TRIP12: variants seen among roughly 807,000 people sequenced by gnomAD.
TRIP12 encodes E3 ubiquitin-protein ligase TRIP12.
In TRIP12, 25 loss-of-function variants were observed where a neutral mutation model predicts 244.2. The observed-to-expected ratio is 0.10, with a 90% CI of 0.07 to 0.14. The LOEUF is 0.14. TRIP12 is among the 10% of genes least tolerant of loss of function. The pLI, the probability that TRIP12 is intolerant of heterozygous loss-of-function variation, is 1.00. For missense variants in TRIP12, 1,677 were observed against 2,486.4 expected, an observed-to-expected ratio of 0.67 and a Z score of 6.92; for synonymous variants, 905 against 873.1, an observed-to-expected ratio of 1.04 and a Z score of -0.64.
At chr2:229,773,301 C>A (rs1461559129) in intron 38 of TRIP12, among the ~76,000 whole-genome samples, 14 of 151,734 alleles carry the variant, frequency 9.2e-5, no homozygotes, top group Non-Finnish European at 2.9e-5. Context: ...GTCTTGAACT[C>A]CTGATCTTGT....
At chr2:229,789,826 A>AG in intron 30 of TRIP12, 64 bp from the exon 31 acceptor site, 1 of 1,558,044 alleles carries the variant, frequency 6.4e-7, no homozygotes, top group Non-Finnish European at 8.7e-7. Context: ...AGTGCAGCCA[A>AG]GGTCCTATCA....
At chr2:229,774,499 G>A (rs2035590423) in intron 37 of TRIP12, among the ~76,000 whole-genome samples, 1 of 152,152 alleles carries the variant, frequency 6.6e-6, no homozygotes, top group Admixed American at 6.5e-5. Flanking sequence ...AGATGCTGCT[G>A]CTCAGTTTAA....
At position 229,781,200 on chromosome 2, in the gene TRIP12, G is replaced by C. The variant is rs539140169; in HGVS notation, c.5095-2210C>G. Among the ~76,000 whole-genome samples, 3 of 152,174 alleles carry C rather than the reference G, an allele frequency of 2.0e-5. No homozygotes were observed. In the East Asian group the frequency reaches 5.8e-4, roughly 29 times the overall value. On this transcript the variant is annotated intron_variant, in intron 34 of 41. Coordinates refer to ENST00000675903, the MANE Select transcript of TRIP12 (RefSeq NM_001348323.3). ...CCACAGAGTAACCTGATCTCTTCAG[G>C]GATTATCATTCTACCCAACTACACC...
intron 41 of TRIP12, 128 bp downstream of exon 41, chr2:229,768,487 TA>T: frequency 1.3e-6 from 1 of 781,140 alleles, no homozygotes; most frequent in Non-Finnish European, 2.1e-6. Flanking sequence ...CAATGTACTA[TA>T]ATGATACTGG....
chr2:229,841,111 T>A (rs1020689089), intron 4 of TRIP12, among the ~76,000 whole-genome samples, 184 bp from the exon 5 acceptor site: 2 of 152,194 alleles, frequency 1.3e-5, no homozygotes, highest in Non-Finnish European at 2.9e-5. Context: ...TACTTGGCAC[T>A]CCAGTTCAGG....
chr2:229,848,591 A>T (rs774482453), intron 4 of TRIP12, among the ~76,000 whole-genome samples: 12 of 152,204 alleles, frequency 7.9e-5, no homozygotes, highest in Non-Finnish European at 1.6e-4. Context: ...ACCATTTAAG[A>T]GGACAAGCAC....
At position 229,795,220 on chromosome 2, in the gene TRIP12, G is replaced by A; in HGVS notation, c.3927C>T (p.Val1309=). ...NCLSQMEQFP[V]KVHDFPSGNG... ...TTCCACTAGGGAAATCATGTACTTT[G>A]ACTGGAAATTGTTCCATCTGGCTGA... is the stretch of plus-strand genomic sequence containing the variant. Residue 1309 remains valine, a synonymous_variant, in exon 26 of 42, where the codon GTC becomes GTT. Coordinates refer to ENST00000675903, the MANE Select transcript of TRIP12 (RefSeq NM_001348323.3). 1 of 1,613,972 alleles carries A rather than the reference G, an allele frequency of 6.2e-7. No homozygotes were observed. The highest frequency in any genetic ancestry group is 8.5e-7 in the Non-Finnish European group (1 of 1,179,948).
intron 2 of TRIP12, among the ~76,000 whole-genome samples, chr2:229,860,792 G>A (rs577114517): frequency 2.2e-4 from 33 of 151,956 alleles, no homozygotes; most frequent in Non-Finnish European, 3.5e-4. Context: ...GCGTTGTTAA[G>A]GTTGCTTAAG....
intron 41 of TRIP12, among the ~76,000 whole-genome samples, chr2:229,768,199 T>C (rs1393409065): frequency 6.6e-6 from 1 of 151,850 alleles, no homozygotes; most frequent in Non-Finnish European, 1.5e-5. Context: ...GAGGCAGAGG[T>C]TGCAGTGAGC....
In TRIP12 at chr2:229,795,290, C is replaced by G; in HGVS notation, c.3857G>C (p.Gly1286Ala). 2 of 1,613,976 alleles carry G rather than the reference C, an allele frequency of 1.2e-6. No homozygotes were observed. The highest frequency in any genetic ancestry group is 1.7e-6 in the Non-Finnish European group (2 of 1,179,928). ...EEPIGRVEPV[G>A]NAPLLALVHK... Reference sequence around the variant, plus strand: ...AACTAATGCCAACAAAGGTGCATTACCCACTGGTTCCACTCTTCCAATGGG... The same window carrying G: ...AACTAATGCCAACAAAGGTGCATTAGCCACTGGTTCCACTCTTCCAATGGG... The change falls in exon 26 of 42, where the codon GGT (glycine) becomes GCT (alanine). Residue 1286 changes from glycine to alanine, a missense_variant. This residue lies in a region of TRIP12 where 77 missense variants were observed against 69.2 expected (regional missense o/e 1.11). Coordinates refer to ENST00000675903, the MANE Select transcript of TRIP12 (RefSeq NM_001348323.3).
rs543043953 is a variant in TRIP12, at chr2:229,851,501, A to C, written c.1027+7271T>G. On this transcript the variant is annotated intron_variant, in intron 4 of 41. Transcript: ENST00000675903. Reference sequence around the variant, plus strand: ...ATCAGCAGGATGTGGGTGGGGCCAGATAAGAGAATAAAAGCAGGCTGCCCG... The same window carrying C: ...ATCAGCAGGATGTGGGTGGGGCCAGCTAAGAGAATAAAAGCAGGCTGCCCG... Among the ~76,000 whole-genome samples the C allele has an allele frequency of 2.0e-5, 3 of 152,244 alleles. No homozygotes were observed. In the South Asian group the frequency reaches 6.2e-4, roughly 32 times the overall value.
chr2:229,916,570 C>CATAACCATG (rs919382190), intron 1 of TRIP12, among the ~76,000 whole-genome samples: 2 of 152,120 alleles, frequency 1.3e-5, no homozygotes, highest in African/African-American at 4.8e-5. Context: ...AACGAACAAG[C>CATAACCATG]ATAACCATGA....
intron 33 of TRIP12, 125 bp downstream of exon 33, chr2:229,787,380 T>C (rs2040372295): frequency 2.1e-6 from 2 of 945,310 alleles, no homozygotes; most frequent in Admixed American, 6.1e-5. Context: ...GAAAGGAAAA[T>C]AGGGCTAGCT....
intron 30 of TRIP12, among the ~76,000 whole-genome samples, chr2:229,790,066 G>A (rs1002211674): frequency 1.4e-4 from 21 of 152,114 alleles, no homozygotes; most frequent in African/African-American, 4.8e-4. Flanking sequence ...ATGGCTGGAG[G>A]AATAAAAACA....
chr2:229,849,199 G>A (rs1191936135), intron 4 of TRIP12, among the ~76,000 whole-genome samples: 1 of 152,116 alleles, frequency 6.6e-6, no homozygotes, highest in Non-Finnish European at 1.5e-5. Flanking sequence ...GGAAAGTAAG[G>A]AAAACAACAA....
intron 6 of TRIP12, among the ~76,000 whole-genome samples, chr2:229,833,848 A>G (rs1486709656): frequency 6.6e-6 from 1 of 152,184 alleles, no homozygotes; most frequent in African/African-American, 2.4e-5. Flanking sequence ...AAAAACAAAA[A>G]AACTACTAGT....
At chr2:229,879,891 G>T (rs2064459471) in intron 2 of TRIP12, 91 bp downstream of exon 2, 6 of 1,385,334 alleles carry the variant, frequency 4.3e-6, no homozygotes, top group African/African-American at 2.8e-5. Context: ...CATATGCAAT[G>T]AACCATTCAA....
At chr2:229,798,158 T>C (rs554154197) in intron 23 of TRIP12, among the ~76,000 whole-genome samples, 44 of 152,310 alleles carry the variant, frequency 2.9e-4, no homozygotes, top group Non-Finnish European at 5.6e-4. Context: ...GCATTATCCT[T>C]AACTTGTGTT....
chr2:229,775,603 A>C (rs1253150462), intron 37 of TRIP12, among the ~76,000 whole-genome samples: 1 of 151,088 alleles, frequency 6.6e-6, no homozygotes, highest in African/African-American at 2.4e-5. Context: ...ACAATGTCCT[A>C]GAGATGTTTA....
Sources: allele counts gnomAD v4.1 joint callset (sites outside exome capture counted in the v4.1 genomes callset), GRCh38; gene constraint gnomAD v4.1.1; regional missense constraint gnomAD v4.1.1; transcripts MANE v1.5; gene names NCBI Gene and HGNC (gene_info 2026-07-23, HGNC 2026-07-21).